SCAMP1: variants seen among roughly 807,000 people sequenced by gnomAD.
SCAMP1 encodes the protein secretory carrier membrane protein 1.
Under a neutral mutation model 41.8 loss-of-function variants are expected in SCAMP1, and 15 were observed. That is an observed-to-expected ratio of 0.36 (90% CI 0.24 to 0.55). The LOEUF is 0.55. SCAMP1 is among the 20% of genes least tolerant of loss of function. SCAMP1 has a pLI of 0.86. For missense variants in SCAMP1, 341 were observed against 412.6 expected (o/e 0.83, Z 1.50); for synonymous variants, 135 against 136.8 (o/e 0.99, Z 0.09).
At chr5:78,405,755 T>C (rs1169306040) in intron 2 of SCAMP1, among the ~76,000 whole-genome samples, 4 of 152,216 alleles carry the variant, frequency 2.6e-5, no homozygotes, top group Non-Finnish European at 4.4e-5. Context: ...GTTTGATGAA[T>C]GTATGAATGA....
At chr5:78,433,619 T>C (rs1752675244) in intron 6 of SCAMP1, among the ~76,000 whole-genome samples, 1 of 152,176 alleles carries the variant, frequency 6.6e-6, no homozygotes, top group South Asian at 2.1e-4. Context: ...GAGTCCTGCT[T>C]TTCCAGAAGC....
At chr5:78,419,899 A>G (rs1020940037) in intron 5 of SCAMP1, among the ~76,000 whole-genome samples, 2 of 152,208 alleles carry the variant, frequency 1.3e-5, no homozygotes, top group Non-Finnish European at 2.9e-5. Context: ...TTGATCTAAT[A>G]TCTTTTGCTG....
intron 1 of SCAMP1, among the ~76,000 whole-genome samples, chr5:78,375,625 A>C (rs1034515790): frequency 6.6e-6 from 1 of 152,304 alleles, no homozygotes; most frequent in East Asian, 1.9e-4. Context: ...CTCATGAAAA[A>C]GTGTGAAGGA....
intron 6 of SCAMP1, among the ~76,000 whole-genome samples, chr5:78,443,657 T>TTC (rs1483717903): frequency 2.1e-5 from 3 of 139,824 alleles, no homozygotes; most frequent in Non-Finnish European, 4.6e-5. Context: ...GTTTTGCTTT[T>TTC]TTTTTTTTTT....
intron 6 of SCAMP1, among the ~76,000 whole-genome samples, chr5:78,434,283 C>G (rs1752690545): frequency 6.6e-6 from 1 of 152,166 alleles, no homozygotes; most frequent in Non-Finnish European, 1.5e-5. Flanking sequence ...CTTGTCTGTT[C>G]CAGGTAAACA....
chr5:78,461,170 C>T (rs762900064), intron 8 of SCAMP1, among the ~76,000 whole-genome samples: 5 of 152,200 alleles, frequency 3.3e-5, no homozygotes, highest in Non-Finnish European at 7.4e-5. Context: ...TTTTGCTATG[C>T]AGAAGCTCTT....
At chr5:78,404,160 T>A (rs1402556465) in intron 2 of SCAMP1, among the ~76,000 whole-genome samples, 2 of 151,592 alleles carry the variant, frequency 1.3e-5, no homozygotes, top group South Asian at 2.1e-4. Context: ...CTATTTCTTG[T>A]ATGCTCATGC....
At chr5:78,459,209 A>G in intron 7 of SCAMP1, 36 bp from the exon 8 acceptor site, 1 of 949,512 alleles carries the variant, frequency 1.1e-6, no homozygotes, top group Non-Finnish European at 1.7e-6. Context: ...AGTTTACATC[A>G]ACTTTTGCCT....
chr5:78,380,211 A>G (rs151079782), intron 1 of SCAMP1, among the ~76,000 whole-genome samples: 11 of 152,278 alleles, frequency 7.2e-5, no homozygotes, highest in East Asian at 5.8e-4. Flanking sequence ...GTCATCTTCT[A>G]TTTATATATA....
intron 2 of SCAMP1, among the ~76,000 whole-genome samples, chr5:78,414,080 A>G (rs886077617): frequency 1.3e-5 from 2 of 150,876 alleles, no homozygotes; most frequent in African/African-American, 4.9e-5. Flanking sequence ...TATTTTTATT[A>G]AAGTAGTATA....
At chr5:78,449,137 G>T (rs1357129427) in intron 6 of SCAMP1, among the ~76,000 whole-genome samples, 1 of 151,946 alleles carries the variant, frequency 6.6e-6, no homozygotes, top group Non-Finnish European at 1.5e-5. Flanking sequence ...AAGAGAAAAA[G>T]GAAATATATG....
chr5:78,421,468 G>A (rs999712665), intron 5 of SCAMP1, among the ~76,000 whole-genome samples: 2 of 152,070 alleles, frequency 1.3e-5, no homozygotes, highest in African/African-American at 4.8e-5. Flanking sequence ...TTTTCTTCTT[G>A]GGCTTCAGAT....
intron 1 of SCAMP1, among the ~76,000 whole-genome samples, chr5:78,372,087 TACGTA>T (rs1261962197): frequency 1.3e-5 from 2 of 152,244 alleles, no homozygotes; most frequent in Non-Finnish European, 2.9e-5. Context: ...AAGCATTCTG[TACGTA>T]ACAAATACTT....
chr5:78,430,870 G>A (rs1368263855), intron 6 of SCAMP1, among the ~76,000 whole-genome samples: 1 of 152,044 alleles, frequency 6.6e-6, no homozygotes, highest in Admixed American at 6.6e-5. Context: ...TTCTTGACTA[G>A]CTCTTTAACT....
intron 2 of SCAMP1, among the ~76,000 whole-genome samples, chr5:78,405,163 CTTG>C (rs1293000162): frequency 1.3e-5 from 2 of 152,200 alleles, no homozygotes; most frequent in Non-Finnish European, 2.9e-5. Context: ...CATCTTTTCA[CTTG>C]TTGTTAGGGT....
intron 1 of SCAMP1, among the ~76,000 whole-genome samples, chr5:78,377,412 C>T (rs1322325514): frequency 6.6e-6 from 1 of 152,128 alleles, no homozygotes; most frequent in East Asian, 1.9e-4. Flanking sequence ...TATTCAGTCT[C>T]CTCAAAAATG....
At chr5:78,390,968 G>T (rs1479549473) in intron 2 of SCAMP1, among the ~76,000 whole-genome samples, 1 of 148,576 alleles carries the variant, frequency 6.7e-6, no homozygotes, top group Non-Finnish European at 1.5e-5. Context: ...CAGGGTTGGG[G>T]GTAAGGTCAC....
At chr5:78,444,628 T>C (rs771881527) in intron 6 of SCAMP1, among the ~76,000 whole-genome samples, 1 of 152,234 alleles carries the variant, frequency 6.6e-6, no homozygotes, top group South Asian at 2.1e-4. Flanking sequence ...TAATTTCTTG[T>C]ATTACTTGAT....
intron 1 of SCAMP1, among the ~76,000 whole-genome samples, chr5:78,375,331 A>T (rs1751039932): frequency 6.6e-6 from 1 of 152,082 alleles, no homozygotes; most frequent in South Asian, 2.1e-4. Context: ...TTAGATTTGG[A>T]TTTGAATCCT....
Sources: allele counts gnomAD v4.1 joint callset (sites outside exome capture counted in the v4.1 genomes callset), GRCh38; gene constraint gnomAD v4.1.1; transcripts MANE v1.5; gene names NCBI Gene and HGNC (gene_info 2026-07-23, HGNC 2026-07-21).